The following PIP4K2A variants were observed in gnomAD, a reference collection of about 807,000 sequenced individuals.
PIP4K2A encodes phosphatidylinositol 5-phosphate 4-kinase type-2 alpha.
A neutral mutation model predicts 42.9 loss-of-function variants in PIP4K2A; 14 were observed. The observed-to-expected ratio is 0.33, with a 90% CI of 0.22 to 0.51. The LOEUF (loss-of-function observed/expected upper bound fraction) is 0.51, where lower values mean the gene tolerates loss of function less well. Ranked by LOEUF, PIP4K2A falls within the 20% of genes least tolerant of loss-of-function variation. The pLI is 0.97. For synonymous variants in PIP4K2A, 192 were observed against 192.2 expected (o/e 1.00, Z 0.01); for missense variants, 434 against 519.8 (o/e 0.83, Z 1.61).
At position 22,582,780 on chromosome 10, in the gene PIP4K2A, C is replaced by CAAATAAAT. The variant is rs1224854682; in HGVS notation, c.492+8841_492+8848dup. 4.0e-5 allele frequency among the ~76,000 whole-genome samples: 6 copies of CAAATAAAT among 150,718 alleles called. No homozygotes were observed. In the South Asian group the frequency reaches 1.3e-3, roughly 31 times the overall value. Reference sequence around the variant, plus strand: ...ATGGATTGCTCTGGTGTACAATGACCAAATAAATAAATAAATGATACAACT... The same window carrying CAAATAAAT: ...ATGGATTGCTCTGGTGTACAATGACCAAATAAATAAATAAATAAATAAATGATACAACT... On this transcript the variant is annotated intron_variant, in intron 4 of 9. Coordinates refer to ENST00000376573, the MANE Select transcript of PIP4K2A (RefSeq NM_005028.5).
chr10:22,664,012 T>G (rs1472273321), intron 1 of PIP4K2A, among the ~76,000 whole-genome samples: 1 of 139,882 alleles, frequency 7.1e-6, no homozygotes, highest in Non-Finnish European at 1.5e-5. Flanking sequence ...TAAGGCTCTC[T>G]CTCTCTCTCC....
At chr10:22,647,863 C>G (rs1838914967) in intron 1 of PIP4K2A, among the ~76,000 whole-genome samples, 1 of 152,198 alleles carries the variant, frequency 6.6e-6, no homozygotes, top group African/African-American at 2.4e-5. Flanking sequence ...ACCATTAGCC[C>G]TGGAAGCAGA....
At chr10:22,630,594 A>G (rs1018218721) in intron 1 of PIP4K2A, among the ~76,000 whole-genome samples, 5 of 152,218 alleles carry the variant, frequency 3.3e-5, no homozygotes, top group African/African-American at 1.2e-4. Context: ...CAGGTTCTAG[A>G]ACTGCTGTAT....
intron 1 of PIP4K2A, among the ~76,000 whole-genome samples, chr10:22,687,968 C>T (rs191195913): frequency 1.3e-5 from 2 of 152,046 alleles, no homozygotes; most frequent in Admixed American, 6.5e-5. Flanking sequence ...TCTGTGAATC[C>T]CATAGCATCA....
At chr10:22,689,071 G>C (rs377517843) in intron 1 of PIP4K2A, among the ~76,000 whole-genome samples, 3 of 152,002 alleles carry the variant, frequency 2.0e-5, no homozygotes, top group Admixed American at 2.0e-4. Context: ...ATTTTTCTTC[G>C]AGGAGCACAA....
chr10:22,550,459 A>G (rs902886487), intron 7 of PIP4K2A, among the ~76,000 whole-genome samples, 200 bp downstream of exon 7: 5 of 152,180 alleles, frequency 3.3e-5, no homozygotes, highest in Non-Finnish European at 5.9e-5. Context: ...TGCCTAAATG[A>G]GAGGGCTGCT....
intron 1 of PIP4K2A, among the ~76,000 whole-genome samples, chr10:22,611,940 C>T (rs1838052877): frequency 6.6e-6 from 1 of 152,180 alleles, no homozygotes; most frequent in African/African-American, 2.4e-5. Flanking sequence ...TTCAGCAGAT[C>T]CTCCAAAGCT....
intron 4 of PIP4K2A, among the ~76,000 whole-genome samples, chr10:22,574,700 A>G (rs1297281594): frequency 6.6e-6 from 1 of 152,144 alleles, no homozygotes; most frequent in Non-Finnish European, 1.5e-5. Flanking sequence ...ACAATAACTG[A>G]GCTATAAATT....
chr10:22,643,110 C>T (rs1411579316), intron 1 of PIP4K2A, among the ~76,000 whole-genome samples: 1 of 152,096 alleles, frequency 6.6e-6, no homozygotes, highest in Non-Finnish European at 1.5e-5. Flanking sequence ...AGGATGGGGA[C>T]AGACTGAGGA....
chr10:22,645,788 C>G (rs893215576), intron 1 of PIP4K2A, among the ~76,000 whole-genome samples: 2 of 151,670 alleles, frequency 1.3e-5, no homozygotes, highest in Non-Finnish European at 2.9e-5. Flanking sequence ...GCAGCCTGGA[C>G]CTCCTGGACT....
At chr10:22,635,382 C>G (rs2130779786) in intron 1 of PIP4K2A, among the ~76,000 whole-genome samples, 2 of 152,210 alleles carry the variant, frequency 1.3e-5, no homozygotes, top group South Asian at 4.2e-4. Context: ...GCACAGTTCT[C>G]TCAATTTGTT....
intron 6 of PIP4K2A, among the ~76,000 whole-genome samples, chr10:22,554,767 A>G (rs1836493271): frequency 6.6e-6 from 1 of 152,104 alleles, no homozygotes; most frequent in Non-Finnish European, 1.5e-5. Context: ...ACTTGCTGGG[A>G]GGGGACGAGG....
intron 1 of PIP4K2A, among the ~76,000 whole-genome samples, chr10:22,612,464 A>G (rs1838070486): frequency 6.6e-6 from 1 of 152,206 alleles, no homozygotes; most frequent in African/African-American, 2.4e-5. Context: ...AGGAGGGGAC[A>G]CTGTTAATGG....
intron 1 of PIP4K2A, among the ~76,000 whole-genome samples, chr10:22,683,258 C>T (rs771404081): frequency 3.3e-5 from 5 of 152,146 alleles, no homozygotes; most frequent in Non-Finnish European, 7.4e-5. Flanking sequence ...CTCATACCAC[C>T]GAGTCAAGGC....
chr10:22,646,948 C>G (rs1441221773), intron 1 of PIP4K2A, among the ~76,000 whole-genome samples: 1 of 149,424 alleles, frequency 6.7e-6, no homozygotes, highest in Non-Finnish European at 1.5e-5. Context: ...CAAAACAAAA[C>G]AAAACAAAAC....
chr10:22,617,081 T>G (rs1838191775), intron 1 of PIP4K2A, among the ~76,000 whole-genome samples: 1 of 152,230 alleles, frequency 6.6e-6, no homozygotes, highest in South Asian at 2.1e-4. Context: ...TCAGAAAAGG[T>G]ACCTTGATTC....
rs55840143 is a variant in PIP4K2A at position 22,693,084 on chromosome 10, A to C, written c.144+21099T>G. On this transcript the variant is annotated intron_variant, in intron 1 of 9. Coordinates refer to ENST00000376573, the MANE Select transcript of PIP4K2A (RefSeq NM_005028.5). ...AGTCCTGTTTTAATCGATTGGGGTC[A>C]TAAGTTTTCCTTAGAATCAGGGGGT... 1.6e-3 allele frequency among the ~76,000 whole-genome samples: 242 copies of C among 152,342 alleles called. 1 individual carries two copies. Among genetic ancestry groups the C allele is most frequent in the African/African-American group, 5.2e-3 (217 of 41,588 alleles).
chr10:22,696,322 T>A (rs754117318), intron 1 of PIP4K2A, among the ~76,000 whole-genome samples: 2 of 152,216 alleles, frequency 1.3e-5, no homozygotes, highest in African/African-American at 2.4e-5. Flanking sequence ...CATGCCCAAC[T>A]GTTATAAGTG....
intron 6 of PIP4K2A, 52 bp from the exon 7 acceptor site, chr10:22,550,824 A>G: frequency 3.6e-6 from 4 of 1,114,388 alleles, no homozygotes; most frequent in Non-Finnish European, 5.5e-6. Flanking sequence ...AAACCTAAAA[A>G]AACCACATAC....
Sources: gnomAD v4.1 joint callset for allele counts (sites outside exome capture counted in the v4.1 genomes callset) on GRCh38, gnomAD v4.1.1 for gene constraint, MANE v1.5 for transcripts, NCBI Gene and HGNC (gene_info 2026-07-23, HGNC 2026-07-21) for gene names.